ERC2: variants seen among roughly 807,000 people sequenced by gnomAD.
ERC2 encodes ERC protein 2.
ERC2 carries 42 observed loss-of-function variants against 114.8 expected under a neutral mutation model. The ratio of observed to expected loss-of-function variants is 0.37; its 90% CI spans 0.29 to 0.47. ERC2 has a LOEUF of 0.47. ERC2 is among the 20% of genes least tolerant of loss of function. The pLI is 0.99. For missense variants in ERC2, 939 were observed against 1,150.7 expected, an observed-to-expected ratio of 0.82 and a Z score of 2.66; for synonymous variants, 454 against 425.5, an observed-to-expected ratio of 1.07 and a Z score of -0.82.
At chr3:56,461,834 T>C (rs1238819104) in intron 1 of ERC2, among the ~76,000 whole-genome samples, 3 of 152,210 alleles carry the variant, frequency 2.0e-5, no homozygotes, top group Non-Finnish European at 4.4e-5. Flanking sequence ...AATTTTTATT[T>C]AGGAAACAAA....
intron 7 of ERC2, among the ~76,000 whole-genome samples, chr3:56,043,724 T>C (rs1186481864): frequency 6.6e-6 from 1 of 152,168 alleles, no homozygotes; most frequent in East Asian, 1.9e-4. Context: ...TCTAAACTTA[T>C]AAGTTAGTTG....
intron 13 of ERC2, among the ~76,000 whole-genome samples, chr3:55,933,043 T>C (rs2066205474): frequency 6.6e-6 from 1 of 152,122 alleles, no homozygotes; most frequent in African/African-American, 2.4e-5. Flanking sequence ...ACCTTGCCTC[T>C]ACTAAAACTA....
chr3:55,862,253 T>C (rs2062063494), intron 14 of ERC2, among the ~76,000 whole-genome samples: 1 of 152,162 alleles, frequency 6.6e-6, no homozygotes, highest in South Asian at 2.1e-4. Flanking sequence ...GGCTCCAAAT[T>C]CTAGTTGCTT....
intron 15 of ERC2, among the ~76,000 whole-genome samples, chr3:55,709,621 C>T (rs1171863104): frequency 3.3e-5 from 5 of 152,258 alleles, no homozygotes; most frequent in Non-Finnish European, 5.9e-5. Flanking sequence ...TTGACCTTCG[C>T]GCAGAAGTGG....
At chr3:55,982,222 G>T (rs1178072466) in intron 12 of ERC2, among the ~76,000 whole-genome samples, 1 of 152,146 alleles carries the variant, frequency 6.6e-6, no homozygotes, top group Non-Finnish European at 1.5e-5. Flanking sequence ...GAACAGAACT[G>T]CACAGGTTTC....
At chr3:55,905,273 G>A (rs1220082013) in intron 13 of ERC2, among the ~76,000 whole-genome samples, 1 of 152,172 alleles carries the variant, frequency 6.6e-6, no homozygotes, top group African/African-American at 2.4e-5. Context: ...TAGAGATGGG[G>A]TTTCACCATG....
At chr3:56,190,602 AC>A (rs557961696) in intron 3 of ERC2, among the ~76,000 whole-genome samples, 85 of 152,036 alleles carry the variant, frequency 5.6e-4, no homozygotes, top group African/African-American at 1.8e-3. Context: ...TGCCCTGCTA[AC>A]TTTTTAAAAT....
chr3:56,376,050 C>T (rs1335891381), intron 2 of ERC2, among the ~76,000 whole-genome samples: 2 of 152,140 alleles, frequency 1.3e-5, no homozygotes, highest in Admixed American at 1.3e-4. Flanking sequence ...AGATTCTTCC[C>T]CAGTCAAGCT....
chr3:56,115,772 C>G (rs1048729730), intron 6 of ERC2, among the ~76,000 whole-genome samples: 1 of 152,004 alleles, frequency 6.6e-6, no homozygotes, highest in Non-Finnish European at 1.5e-5. Context: ...CAGAGCTAGC[C>G]AATTCCTAGA....
intron 2 of ERC2, among the ~76,000 whole-genome samples, chr3:56,423,858 G>C (rs2061473074): frequency 6.6e-6 from 1 of 152,298 alleles, no homozygotes; most frequent in Non-Finnish European, 1.5e-5. Context: ...CTGTGAAATA[G>C]ATTTACAATT....
chr3:55,575,626 C>T (rs1318528211), intron 17 of ERC2, among the ~76,000 whole-genome samples: 1 of 152,150 alleles, frequency 6.6e-6, no homozygotes, highest in Non-Finnish European at 1.5e-5. Flanking sequence ...GGTGCTGGGC[C>T]CAGTTCCTGG....
intron 3 of ERC2, among the ~76,000 whole-genome samples, chr3:56,284,968 C>T (rs1024411912): frequency 1.1e-4 from 17 of 150,602 alleles, no homozygotes; most frequent in Non-Finnish European, 1.8e-4. Flanking sequence ...GTCTCTGTCT[C>T]TATCAATCTC....
At chr3:56,428,247 G>A (rs2061648285) in intron 2 of ERC2, among the ~76,000 whole-genome samples, 1 of 152,156 alleles carries the variant, frequency 6.6e-6, no homozygotes, top group South Asian at 2.1e-4. Flanking sequence ...CAGGCTGGGG[G>A]CGGTGGCTCA....
intron 3 of ERC2, among the ~76,000 whole-genome samples, chr3:56,174,823 C>T (rs1350786279): frequency 6.6e-6 from 1 of 151,934 alleles, no homozygotes; most frequent in Non-Finnish European, 1.5e-5. Context: ...ACTAAAAATA[C>T]AAAAATCAGC....
At chr3:56,133,808 C>T (rs890465611) in intron 6 of ERC2, among the ~76,000 whole-genome samples, 21 of 152,168 alleles carry the variant, frequency 1.4e-4, no homozygotes, top group African/African-American at 1.2e-4. Context: ...CTTGAAATTA[C>T]GGATCCCCAC....
At chr3:56,151,601 G>T (rs1464597132) in intron 4 of ERC2, among the ~76,000 whole-genome samples, 1 of 152,156 alleles carries the variant, frequency 6.6e-6, no homozygotes, top group African/African-American at 2.4e-5. Flanking sequence ...AAGTAAAATG[G>T]CTGGCATGTC....
chr3:56,036,091 A>G (rs944621555), intron 7 of ERC2, among the ~76,000 whole-genome samples: 5 of 152,342 alleles, frequency 3.3e-5, no homozygotes, highest in African/African-American at 1.2e-4. Flanking sequence ...CCACATTAAT[A>G]AAATAAAAGA....
intron 2 of ERC2, among the ~76,000 whole-genome samples, chr3:56,326,458 A>G (rs1257069707): frequency 6.6e-6 from 1 of 152,238 alleles, no homozygotes; most frequent in Non-Finnish European, 1.5e-5. Context: ...TAAATTGGTC[A>G]GACTAGAACA....
At chr3:55,999,549 A>G (rs184699302) in intron 10 of ERC2, among the ~76,000 whole-genome samples, 244 of 152,150 alleles carry the variant, frequency 1.6e-3, no homozygotes, top group African/African-American at 5.2e-3. Context: ...ATGTGGCCAT[A>G]TAGAAAATAA....
Sources: gnomAD v4.1 joint callset for allele counts (sites outside exome capture counted in the v4.1 genomes callset) on GRCh38, gnomAD v4.1.1 for gene constraint, MANE v1.5 for transcripts, NCBI Gene and HGNC (gene_info 2026-07-23, HGNC 2026-07-21) for gene names.